GCNT2: variants seen among roughly 807,000 people sequenced by gnomAD.
GCNT2 encodes N-acetyllactosaminide beta-1,6-N-acetylglucosaminyl-transferase.
In GCNT2, 34 loss-of-function variants were observed where a neutral mutation model predicts 34.2. The observed-to-expected ratio is 1.00, with a 90% CI of 0.76 to 1.32. The LOEUF is 1.32. Among genes scored for constraint, GCNT2 ranks in the 40% most tolerant of loss-of-function variants. The probability of loss-of-function intolerance (pLI) is 0.00; values close to 1 mark genes in which losing one functional copy is unlikely to be tolerated. For missense variants in GCNT2, 584 were observed against 489.4 expected (o/e 1.19, Z -1.82); for synonymous variants, 212 against 188.0 (o/e 1.13, Z -1.04).
intron 1 of GCNT2, among the ~76,000 whole-genome samples, chr6:10,525,387 T>C (rs1335523967): frequency 3.3e-5 from 5 of 152,194 alleles, no homozygotes; most frequent in African/African-American, 4.8e-5. Context: ...GGGGTATTAA[T>C]TTTGATCTGA....
chr6:10,555,018 G>A (rs1762632176), intron 3 of GCNT2, among the ~76,000 whole-genome samples: 1 of 152,186 alleles, frequency 6.6e-6, no homozygotes, highest in Non-Finnish European at 1.5e-5. Context: ...CCATTGTGAA[G>A]GCAAGGAATC....
chr6:10,547,177 T>C (rs1324259819), intron 3 of GCNT2, among the ~76,000 whole-genome samples: 3 of 152,230 alleles, frequency 2.0e-5, no homozygotes, highest in African/African-American at 4.8e-5. Context: ...CTTATTCATA[T>C]ATTTTTCTTA....
intron 3 of GCNT2, among the ~76,000 whole-genome samples, chr6:10,542,484 C>G (rs1319203937): frequency 6.6e-6 from 1 of 152,192 alleles, no homozygotes; most frequent in Non-Finnish European, 1.5e-5. Flanking sequence ...AATGTAGAAT[C>G]ATTTTATTAC....
At chr6:10,585,031 CAGTGTGTGTGTGTG>C (rs1463960267) in intron 3 of GCNT2, among the ~76,000 whole-genome samples, 1 of 97,264 alleles carries the variant, frequency 1.0e-5, no homozygotes, top group African/African-American at 4.9e-5. Flanking sequence ...TTCCCATAGT[CAGTGTGTGTGTGTG>C]TGTGTGTGTG....
chr6:10,554,304 C>T (rs1353978973), intron 3 of GCNT2, among the ~76,000 whole-genome samples: 2 of 152,134 alleles, frequency 1.3e-5, no homozygotes, highest in Non-Finnish European at 2.9e-5. Flanking sequence ...GACAAAAGAG[C>T]TGGGAGGAAA....
intron 4 of GCNT2, among the ~76,000 whole-genome samples, chr6:10,624,158 T>C (rs575942127): frequency 1.3e-5 from 2 of 152,198 alleles, no homozygotes; most frequent in Non-Finnish European, 2.9e-5. Flanking sequence ...CCTAGTGCCC[T>C]TCCTAAGGGA....
chr6:10,529,718 C>T lies in GCNT2; in HGVS notation c.807C>T (p.Leu269=), dbSNP rs1422629500. 2 of 1,614,152 alleles carry T rather than the reference C, an allele frequency of 1.2e-6. No individual in the cohort carries two copies. The highest frequency in any genetic ancestry group is 1.7e-5 in the Admixed American group (1 of 60,022). The part of the protein sequence containing the change: ...VIYFGTAYVA[L]TRDFANFVLQ... ...ACTTTGGCACGGCCTACGTGGCTCT[C>T]ACAAGGGACTTTGCTAACTTCGTCC... is the stretch of plus-strand genomic sequence containing the variant. Residue 269 remains leucine (L), a synonymous_variant, in exon 3 of 5, where the codon CTC becomes CTT. Coordinates refer to ENST00000495262, the MANE Select transcript of GCNT2 (RefSeq NM_145649.5).
intron 3 of GCNT2, among the ~76,000 whole-genome samples, chr6:10,587,362 T>C (rs1314113256): frequency 1.3e-5 from 2 of 152,186 alleles, no homozygotes; most frequent in Non-Finnish European, 1.5e-5. Flanking sequence ...ACTTACTGGT[T>C]TTAGAATCTT....
intron 3 of GCNT2, among the ~76,000 whole-genome samples, chr6:10,538,238 T>C (rs1761863162): frequency 6.6e-6 from 1 of 150,786 alleles, no homozygotes; most frequent in Non-Finnish European, 1.5e-5. Context: ...TGAAACCCCG[T>C]CTCTACTAAA....
At chr6:10,542,455 G>T (rs1024602433) in intron 3 of GCNT2, among the ~76,000 whole-genome samples, 14 of 152,256 alleles carry the variant, frequency 9.2e-5, no homozygotes, top group Admixed American at 1.3e-4. Flanking sequence ...TTACAGTTAT[G>T]CAACCATGAT....
chr6:10,526,709 G>A (rs1228578808), intron 1 of GCNT2, among the ~76,000 whole-genome samples: 1 of 152,138 alleles, frequency 6.6e-6, no homozygotes, highest in Admixed American at 6.5e-5. Flanking sequence ...AGCCTCCCCT[G>A]TGTTCTTGAT....
rs755239630 is a variant in GCNT2, at chr6:10,585,978, GA to G, written c.926-35371del. 1.9e-6 allele frequency: 3 copies of G among 1,613,502 alleles called. No individual in the cohort carries two copies. The African/African-American group carries it at 4.0e-5, about 22-fold the overall frequency. ...GAAAAGAAGAGATTGTTTCCCCAGG[GA>G]AGTGAAAATAATGAACTTTTGGAGG... On this transcript the variant is annotated intron_variant, in intron 3 of 4. Transcript: ENST00000495262.
intron 3 of GCNT2, 47 bp downstream of exon 3, chr6:10,529,883 G>A (rs1401172928): frequency 1.2e-5 from 17 of 1,380,854 alleles, no homozygotes; most frequent in Non-Finnish European, 1.7e-5. Flanking sequence ...ACACTGCATG[G>A]TCAATACTAA....
chr6:10,542,102 T>C (rs1581381427), intron 3 of GCNT2, among the ~76,000 whole-genome samples: 3 of 152,296 alleles, frequency 2.0e-5, no homozygotes, highest in Admixed American at 1.3e-4. Flanking sequence ...CCAGCAGTTT[T>C]CTGCTAATGA....
chr6:10,530,966 A>C lies in GCNT2; in HGVS notation c.925+1130A>C, dbSNP rs192105856. On this transcript the variant is annotated intron_variant, in intron 3 of 4. Transcript: ENST00000495262. ...CTTCTCAGAAGGCTGAGGCAGTAGA[A>C]TCGCTTGAACCCAGGAGGCGGAGGT... Among the ~76,000 whole-genome samples, 924 of 151,468 alleles carry C rather than the reference A, an allele frequency of 6.1e-3. 14 individuals are homozygous for C. The highest frequency in any genetic ancestry group is 0.021 in the African/African-American group (874 of 41,220).
intron 4 of GCNT2, among the ~76,000 whole-genome samples, chr6:10,625,368 T>G (rs1330432728): frequency 6.6e-6 from 1 of 152,180 alleles, no homozygotes; most frequent in Non-Finnish European, 1.5e-5. Context: ...AACCCTTCAG[T>G]CTGTGAAGTC....
chr6:10,557,032 G>C (rs1762747634), intron 3 of GCNT2: 1 of 1,613,042 alleles, frequency 6.2e-7, no homozygotes, highest in African/African-American at 1.3e-5. Context: ...AAATAGTTCA[G>C]TATCTGAAAG....
Position 10,557,490 on chromosome 6 carries a change from G to A in GCNT2, c.925+27654G>A, listed in dbSNP as rs879028182. On this transcript the variant is annotated intron_variant, in intron 3 of 4. Transcript: ENST00000495262. ...TAGTCCTTTCTAAATGCAGAAAGATGTTCTTTTTTTTTTTTGAGACTGGAT... is the reference window on the plus strand; with the variant it reads ...TAGTCCTTTCTAAATGCAGAAAGATATTCTTTTTTTTTTTTGAGACTGGAT... The A allele has an allele frequency of 1.5e-5, 10 of 660,122 alleles. No individual in the cohort carries two copies. In the East Asian group the frequency reaches 2.5e-4, roughly 16 times the overall value. 40.9% of individuals were successfully genotyped at this position (660,122 alleles called of 1,614,324 possible).
At position 10,544,763 on chromosome 6, in the gene GCNT2, G is replaced by C. The variant is rs369728962; in HGVS notation, c.925+14927G>C. On this transcript the variant is annotated intron_variant, in intron 3 of 4. Transcript: ENST00000495262. ...GTTCGAGACCAGCCTGGCCAACGTG[G>C]TGAAACCCCATCTCCACTAAAAATA... is the stretch of plus-strand genomic sequence containing the variant. Among the ~76,000 whole-genome samples, 11 of 151,366 alleles carry C rather than the reference G, an allele frequency of 7.3e-5. No individual in the cohort carries two copies. In the South Asian group the frequency reaches 8.3e-4, roughly 11 times the overall value.
Sources: allele counts gnomAD v4.1 joint callset (sites outside exome capture counted in the v4.1 genomes callset), GRCh38; gene constraint gnomAD v4.1.1; transcripts MANE v1.5; gene names NCBI Gene and HGNC (gene_info 2026-07-23, HGNC 2026-07-21).